The following RPTOR variants were observed in gnomAD, a reference collection of about 807,000 sequenced individuals.
The protein encoded by RPTOR is regulatory associated protein of MTOR complex 1.
Under a neutral mutation model 169.9 loss-of-function variants are expected in RPTOR, and 21 were observed. The observed-to-expected ratio is 0.12, with a 90% CI of 0.09 to 0.18. RPTOR has a LOEUF of 0.18. RPTOR is among the 10% of genes least tolerant of loss of function. The pLI is 1.00. For synonymous variants in RPTOR, 732 were observed against 753.2 expected (o/e 0.97, Z 0.46); for missense variants, 1,133 against 1,855.9 (o/e 0.61, Z 7.16).
intron 1 of RPTOR, among the ~76,000 whole-genome samples, chr17:80,566,830 A>C (rs2064848436): frequency 5.9e-5 from 1 of 16,976 alleles, no homozygotes; most frequent in Non-Finnish European, 2.1e-4. Context: ...TCTCAAAAAA[A>C]AAAAAAAAAA....
rs1174137012 is a variant in RPTOR, at chr17:80,861,228, G to A, written c.1509+3328G>A. On this transcript the variant is annotated intron_variant, in intron 13 of 33. Transcript: ENST00000306801. This position sits in a 1 kb window ranked among gnomAD's most constrained non-coding sequence, Gnocchi z 4.5. ...ATGATTTGCCTCTGTAAAATCATGA[G>A]CCTTCGGCCGTCTGCCTTCAGCCAC... 6.9e-6 allele frequency among the ~76,000 whole-genome samples: 1 copy of A among 144,410 alleles called. No individual in the cohort carries two copies. Among genetic ancestry groups the A allele is most frequent in the African/African-American group, 2.4e-5 (1 of 40,842 alleles). The allele number at this position is 144,410 out of a possible 152,430, so 94.7% of individuals were successfully genotyped here. A position where few individuals can be genotyped will look rare whatever the true frequency, so the allele number is the denominator to read the frequency against.
intron 5 of RPTOR, among the ~76,000 whole-genome samples, chr17:80,753,443 G>T (rs2066648586): frequency 6.6e-6 from 1 of 151,850 alleles, no homozygotes; most frequent in South Asian, 2.1e-4. Flanking sequence ...GACCATCCTG[G>T]CTAACACGGT....
At chr17:80,940,717 G>A in intron 25 of RPTOR, 116 bp downstream of exon 25, 1 of 798,908 alleles carries the variant, frequency 1.3e-6, no homozygotes, top group South Asian at 1.7e-5. Context: ...GCCATCCACT[G>A]TCCCACGACA....
intron 1 of RPTOR, among the ~76,000 whole-genome samples, chr17:80,610,140 C>T (rs1358253500): frequency 6.6e-6 from 1 of 152,110 alleles, no homozygotes; most frequent in Non-Finnish European, 1.5e-5. Context: ...TCTCTGCGTC[C>T]TCCTTTATCT....
chr17:80,768,496 G>T (rs529793625), intron 6 of RPTOR, among the ~76,000 whole-genome samples: 122 of 152,334 alleles, frequency 8.0e-4, no homozygotes, highest in African/African-American at 2.4e-3. Context: ...TAGCTACTGA[G>T]TTATTCATGT....
intron 21 of RPTOR, among the ~76,000 whole-genome samples, chr17:80,914,326 T>C (rs377226917): frequency 1.4e-4 from 21 of 152,286 alleles, no homozygotes; most frequent in African/African-American, 5.1e-4. Context: ...TCCAGGCATC[T>C]CTGTGCTCTT....
chr17:80,805,303 CCAGATTTTTG>C lies in RPTOR; in HGVS notation c.890+13799_890+13808del, dbSNP rs1473751540. 11 of 152,470 alleles carry C rather than the reference CCAGATTTTTG, an allele frequency of 7.2e-5. No individual in the cohort carries two copies. In the East Asian group the frequency reaches 1.2e-3, roughly 16 times the overall value. The allele number at this position is 152,470 out of a possible 1,614,324, so 9.4% of individuals were successfully genotyped here. On this transcript the variant is annotated intron_variant, in intron 7 of 33. Transcript: ENST00000306801. ...CTCCTCCCCTCCCACCCTCTTTAGG[CCAGATTTTTG>C]CAGAGAAGCTCCCTGATGAGATGCA...
chr17:80,869,836 A>G (rs1485644613), intron 13 of RPTOR, among the ~76,000 whole-genome samples: 1 of 152,236 alleles, frequency 6.6e-6, no homozygotes, highest in Non-Finnish European at 1.5e-5. Flanking sequence ...GGCAGAAAGC[A>G]AACATGGCAG....
At chr17:80,870,026 G>GT (rs1245212190) in intron 13 of RPTOR, among the ~76,000 whole-genome samples, 2 of 152,174 alleles carry the variant, frequency 1.3e-5, no homozygotes, top group Non-Finnish European at 2.9e-5. Flanking sequence ...TAGCATTTGT[G>GT]TATCTGCTAA....
chr17:80,829,560 C>G (rs1345101205), intron 9 of RPTOR, among the ~76,000 whole-genome samples: 1 of 152,248 alleles, frequency 6.6e-6, no homozygotes, highest in East Asian at 1.9e-4. Context: ...CCTGCCTGTT[C>G]CAAGCTGGGC....
In RPTOR at chr17:80,844,916, A is replaced by G. The variant is rs2067710338; in HGVS notation, c.1213-1557A>G. On this transcript the variant is annotated intron_variant, in intron 10 of 33. Transcript: ENST00000306801. This position sits in a 1 kb window ranked among gnomAD's most constrained non-coding sequence, Gnocchi z 4.7. ...ACTGCGGCCACCCACCTTCCCCCCG[A>G]GCAAAATCAAACAACGTAGGGAAGA... Among the ~76,000 whole-genome samples the G allele has an allele frequency of 6.6e-6, 1 of 151,602 alleles. No homozygotes were observed. The highest frequency in any genetic ancestry group is 6.6e-5 in the Admixed American group (1 of 15,262).
chr17:80,846,596 C>A (rs551292559), intron 11 of RPTOR, 22 bp downstream of exon 11: 1 of 1,607,488 alleles, frequency 6.2e-7, no homozygotes, highest in Admixed American at 1.7e-5. Flanking sequence ...CAGACCGGGC[C>A]AGACAGCCGA....
chr17:80,639,252 C>T (rs557016609), intron 2 of RPTOR, among the ~76,000 whole-genome samples: 1 of 150,928 alleles, frequency 6.6e-6, no homozygotes, highest in African/African-American at 2.4e-5. Flanking sequence ...GAAATTTGCA[C>T]TTCATCTAGT....
intron 1 of RPTOR, among the ~76,000 whole-genome samples, chr17:80,605,740 T>G (rs1356784121): frequency 6.6e-6 from 1 of 151,968 alleles, no homozygotes; most frequent in Non-Finnish European, 1.5e-5. Context: ...GCCTGACACA[T>G]GGGAGGCAGT....
At chr17:80,881,461 A>G (rs1452069649) in intron 14 of RPTOR, among the ~76,000 whole-genome samples, 2 of 152,276 alleles carry the variant, frequency 1.3e-5, no homozygotes, top group Non-Finnish European at 2.9e-5. Flanking sequence ...AGCTAAGCTC[A>G]CATGAACGGC....
intron 19 of RPTOR, among the ~76,000 whole-genome samples, chr17:80,893,418 G>T (rs886621463): frequency 9.4e-5 from 13 of 138,656 alleles, no homozygotes; most frequent in Admixed American, 3.4e-4. Context: ...GTGTACAAGG[G>T]TGTGTGTGTG....
intron 12 of RPTOR, among the ~76,000 whole-genome samples, chr17:80,857,106 C>T (rs2067860842): frequency 6.6e-6 from 1 of 152,240 alleles, no homozygotes. Context: ...GCAGAAACCC[C>T]TGGCTGTGGA....
At chr17:80,857,635 GA>G (rs1162360980) in intron 12 of RPTOR, among the ~76,000 whole-genome samples, 154 bp from the exon 13 acceptor site, 1 of 152,216 alleles carries the variant, frequency 6.6e-6, no homozygotes, top group East Asian at 1.9e-4. Context: ...AAATCTGGAG[GA>G]AGCCCCTCTT....
chr17:80,785,109 T>G (rs2066978586), intron 6 of RPTOR, among the ~76,000 whole-genome samples: 2 of 152,210 alleles, frequency 1.3e-5, no homozygotes, highest in Non-Finnish European at 2.9e-5. Flanking sequence ...ATGACTAGGT[T>G]AAAATGCACA....
Sources: gnomAD v4.1 joint callset for allele counts (sites outside exome capture counted in the v4.1 genomes callset) on GRCh38, gnomAD v4.1.1 for gene constraint, Gnocchi (gnomAD v3.1) non-coding constraint, MANE v1.5 for transcripts, NCBI Gene and HGNC (gene_info 2026-07-23, HGNC 2026-07-21) for gene names.